Variants in PCNX2 observed in about 807,000 individuals in gnomAD.
PCNX2 encodes pecanex 2.
A neutral mutation model predicts 223.8 loss-of-function variants in PCNX2; 168 were observed. The ratio of observed to expected loss-of-function variants is 0.75; its 90% CI spans 0.66 to 0.85. The LOEUF (loss-of-function observed/expected upper bound fraction) is 0.85, where lower values mean the gene tolerates loss of function less well. Among genes scored for constraint, PCNX2 ranks in the 40% least tolerant of loss-of-function variants. PCNX2 has a pLI of 0.00. For synonymous variants in PCNX2, 1,006 were observed against 1,052.6 expected, an observed-to-expected ratio of 0.96 and a Z score of 0.86; for missense variants, 2,507 against 2,675.5, an observed-to-expected ratio of 0.94 and a Z score of 1.39.
At position 233,295,495 on chromosome 1, in the gene PCNX2, G is replaced by C; in HGVS notation, c.-17C>G. ...GGACACCATGCCGGCTGCGCCCCGG[G>C]GCTGGTGAGCGCCCCGCTGCACCCT... On this transcript the variant is annotated 5_prime_UTR_variant, in exon 1 of 34. Transcript: ENST00000258229. The surrounding 1 kb of genome is among the most constrained non-coding windows in gnomAD (Gnocchi z 4.1). 6.5e-7 allele frequency: 1 copy of C among 1,543,650 alleles called. No individual in the cohort carries two copies. The highest frequency in any genetic ancestry group is 1.4e-5 in the African/African-American group (1 of 72,910).
At chr1:233,035,038 T>C (rs891794492) in intron 25 of PCNX2, among the ~76,000 whole-genome samples, 1 of 152,088 alleles carries the variant, frequency 6.6e-6, no homozygotes, top group Non-Finnish European at 1.5e-5. Flanking sequence ...GACAAAGTGA[T>C]AGGGACCAGA....
chr1:233,309,522 C>T, the PCNX2 span, among the ~76,000 whole-genome samples: 3 of 145,874 alleles, frequency 2.1e-5, no homozygotes, highest in South Asian at 2.2e-4. Context: ...GCCTGGGCAA[C>T]AGAGTGAGAC....
At chr1:233,041,558 G>T (rs1671646807) in intron 25 of PCNX2, among the ~76,000 whole-genome samples, 2 of 152,176 alleles carry the variant, frequency 1.3e-5, no homozygotes, top group African/African-American at 4.8e-5. Flanking sequence ...TCTGTCAACT[G>T]CTTCTGATGT....
At chr1:232,992,665 G>C (rs1007846178) in intron 32 of PCNX2, among the ~76,000 whole-genome samples, 1 of 152,164 alleles carries the variant, frequency 6.6e-6, no homozygotes, top group Non-Finnish European at 1.5e-5. Context: ...GGTGACACTG[G>C]GCAGTGACTT....
intron 17 of PCNX2, among the ~76,000 whole-genome samples, chr1:233,165,686 G>T (rs956996603): frequency 1.3e-5 from 2 of 152,108 alleles, no homozygotes; most frequent in Admixed American, 6.6e-5. Context: ...CCTAACATCA[G>T]TAAAGAAATG....
chr1:233,153,732 A>G (rs1200594292), intron 19 of PCNX2, among the ~76,000 whole-genome samples: 3 of 152,334 alleles, frequency 2.0e-5, no homozygotes, highest in African/African-American at 7.2e-5. Context: ...TACCTTAAAG[A>G]GCAGAAAGTA....
At chr1:233,148,442 T>C (rs1256477892) in intron 19 of PCNX2, among the ~76,000 whole-genome samples, 1 of 147,462 alleles carries the variant, frequency 6.8e-6, no homozygotes, top group Non-Finnish European at 1.5e-5. Context: ...TTTTTTTTTT[T>C]TGTTTTTTGA....
At chr1:232,994,645 TG>T (rs2102786732) in intron 32 of PCNX2, among the ~76,000 whole-genome samples, 1 of 152,274 alleles carries the variant, frequency 6.6e-6, no homozygotes, top group Admixed American at 6.5e-5. Flanking sequence ...CATAATAATA[TG>T]GTTGAGCTCT....
chr1:233,303,430 C>G, the PCNX2 span, among the ~76,000 whole-genome samples: 2 of 152,038 alleles, frequency 1.3e-5, no homozygotes, highest in Non-Finnish European at 2.9e-5. Flanking sequence ...AAGGAAGATC[C>G]TTTGAGCAGG....
At chr1:233,209,490 T>C (rs1227466066) in intron 12 of PCNX2, among the ~76,000 whole-genome samples, 2 of 152,180 alleles carry the variant, frequency 1.3e-5, no homozygotes, top group Admixed American at 6.5e-5. Flanking sequence ...GAAAATGAAT[T>C]GGGAAAAATG....
In PCNX2 at chr1:233,295,620, TC is replaced by T; in HGVS notation, c.-143del. ...GCCGCCGTCGCCCCCGCCGCCTCCT[TC>T]CACCCCACGTTTGAAGCTGGAGCTG... is the stretch of plus-strand genomic sequence containing the variant. On this transcript the variant is annotated 5_prime_UTR_variant, in exon 1 of 34. An upstream open reading frame in the 5' UTR loses its in-frame stop. Transcript: ENST00000258229. This position sits in a 1 kb window ranked among gnomAD's most constrained non-coding sequence, Gnocchi z 4.1. 2.2e-6 allele frequency: 2 copies of T among 912,396 alleles called. No homozygotes were observed. The highest frequency in any genetic ancestry group is 1.5e-6 in the Non-Finnish European group (1 of 689,074). 56.5% of individuals were successfully genotyped at this position (912,396 alleles called of 1,614,324 possible). A position where few individuals can be genotyped will look rare whatever the true frequency, so the allele number is the denominator to read the frequency against.
In PCNX2 at chr1:233,160,375, T is replaced by C. The variant is rs1279949841; in HGVS notation, c.3425A>G (p.Tyr1142Cys). 6.2e-7 allele frequency: 1 copy of C among 1,613,508 alleles called. No homozygotes were observed. The highest frequency in any genetic ancestry group is 8.5e-7 in the Non-Finnish European group (1 of 1,179,484). ...ATGCTTGCGGAGCTGAGGGAGCACG[T>C]AATGTGTTACAAACCCCACGGCTCC... is the stretch of plus-strand genomic sequence containing the variant. ...LAGAVGFVTH[Y>C]VLPQLRKHHP... The change falls in exon 19 of 34, where the codon TAC becomes TGC. Residue 1142 changes from tyrosine (Y) to cysteine (C), a missense_variant. Transcript: ENST00000258229.
intron 24 of PCNX2, among the ~76,000 whole-genome samples, chr1:233,055,387 T>C (rs1166765824): frequency 6.6e-6 from 1 of 152,134 alleles, no homozygotes; most frequent in Non-Finnish European, 1.5e-5. Context: ...GATGGAATGA[T>C]GGAATACCTT....
chr1:233,251,563 T>G (rs1230737351), intron 7 of PCNX2, among the ~76,000 whole-genome samples: 1 of 152,178 alleles, frequency 6.6e-6, no homozygotes, highest in African/African-American at 2.4e-5. Context: ...CAAGAGAAAC[T>G]GTAATGACAA....
intron 9 of PCNX2, among the ~76,000 whole-genome samples, chr1:233,236,516 G>A (rs1658422591): frequency 6.6e-6 from 1 of 151,956 alleles, no homozygotes; most frequent in Non-Finnish European, 1.5e-5. Flanking sequence ...TCCAAACCAT[G>A]GGAGAAAAAG....
intron 19 of PCNX2, among the ~76,000 whole-genome samples, chr1:233,157,173 TTC>T (rs1488348057): frequency 6.6e-6 from 1 of 152,184 alleles, no homozygotes; most frequent in Admixed American, 6.5e-5. Context: ...CTTATGGCTC[TTC>T]TGGGTAGTGA....
In PCNX2 at chr1:233,168,748, G is replaced by T. The variant is rs536307211; in HGVS notation, c.3274-7385C>A. 5.3e-5 allele frequency among the ~76,000 whole-genome samples: 8 copies of T among 151,756 alleles called. No homozygotes were observed. In the South Asian group the frequency reaches 1.5e-3, roughly 28 times the overall value. On this transcript the variant is annotated intron_variant, in intron 17 of 33. Coordinates refer to ENST00000258229, the MANE Select transcript of PCNX2 (RefSeq NM_014801.4). Reference sequence around the variant, plus strand: ...AGCAAATACATTTACTCTATCATAGGTTGTAAGCATTTCACAATCCTTGAT... The same window carrying T: ...AGCAAATACATTTACTCTATCATAGTTTGTAAGCATTTCACAATCCTTGAT...
intron 15 of PCNX2, among the ~76,000 whole-genome samples, chr1:233,189,357 C>G (rs1680290970): frequency 6.6e-6 from 1 of 152,146 alleles, no homozygotes; most frequent in African/African-American, 2.4e-5. Context: ...ATGCTGTGAA[C>G]TGTTCTTTCA....
At chr1:233,241,803 T>C (rs1231238660) in intron 8 of PCNX2, among the ~76,000 whole-genome samples, 1 of 152,238 alleles carries the variant, frequency 6.6e-6, no homozygotes, top group Non-Finnish European at 1.5e-5. Flanking sequence ...TGTTTTACTC[T>C]TCATTTTGAA....
Sources: gnomAD v4.1 joint callset for allele counts (sites outside exome capture counted in the v4.1 genomes callset) on GRCh38, gnomAD v4.1.1 for gene constraint, Gnocchi (gnomAD v3.1) non-coding constraint, MANE v1.5 for transcripts, NCBI Gene and HGNC (gene_info 2026-07-23, HGNC 2026-07-21) for gene names.